RNF157: variants seen among roughly 807,000 people sequenced by gnomAD.
RNF157 encodes the protein E3 ubiquitin ligase RNF157.
RNF157 carries 55 observed loss-of-function variants against 88.3 expected under a neutral mutation model. The observed-to-expected ratio is 0.62, with a 90% CI of 0.50 to 0.78. The LOEUF is 0.78. Among genes scored for constraint, RNF157 ranks in the 30% least tolerant of loss-of-function variants. RNF157 has a pLI of 0.00. For missense variants in RNF157, 788 were observed against 860.8 expected (o/e 0.92, Z 1.06); for synonymous variants, 334 against 341.2 (o/e 0.98, Z 0.23).
In RNF157 at chr17:76,157,127, T is replaced by C. The variant is rs1460957843; in HGVS notation, c.1414-806A>G. ...GACTACAGGTGCATGCCACCACACC[T>C]GGCTAATTTTTTGTATTTTTAGTAG... On this transcript the variant is annotated intron_variant, in intron 13 of 18. Coordinates refer to ENST00000269391, the MANE Select transcript of RNF157 (RefSeq NM_052916.3). This position sits in a 1 kb window ranked among gnomAD's most constrained non-coding sequence, Gnocchi z 5.6. 6.6e-6 allele frequency among the ~76,000 whole-genome samples: 1 copy of C among 152,042 alleles called. No homozygotes were observed. Among genetic ancestry groups the C allele is most frequent in the Non-Finnish European group, 1.5e-5 (1 of 67,994 alleles).
intron 18 of RNF157, among the ~76,000 whole-genome samples, chr17:76,150,877 T>C (rs1006810174): frequency 3.9e-5 from 6 of 152,210 alleles, no homozygotes; most frequent in African/African-American, 1.4e-4. Context: ...GGGTGAAGCA[T>C]TGGCAGGGAG....
At chr17:76,226,548 C>A (rs1401948683) in intron 1 of RNF157, 2 of 1,613,734 alleles carry the variant, frequency 1.2e-6, no homozygotes, top group East Asian at 4.5e-5. Flanking sequence ...TCCATTTTCT[C>A]CAACATCCAA....
rs1159205330 is a variant in RNF157, at chr17:76,210,568, C to T, written c.207+1796G>A. 2.0e-4 allele frequency among the ~76,000 whole-genome samples: 23 copies of T among 115,872 alleles called. No individual in the cohort carries two copies. The South Asian group carries it at 3.1e-3, about 15-fold the overall frequency. 76.0% of individuals were successfully genotyped at this position (115,872 alleles called of 152,430 possible). ...TCGTGCCACTGTACTCCAGCCTGGG[C>T]GACAGAGCCAGACTCCGTCCAAAAA... On this transcript the variant is annotated intron_variant, in intron 2 of 18. Transcript: ENST00000269391.
chr17:76,161,652 G>A lies in RNF157; in HGVS notation c.953-5C>T. The A allele has an allele frequency of 6.2e-7, 1 of 1,612,182 alleles. No homozygotes were observed. The highest frequency in any genetic ancestry group is 8.5e-7 in the Non-Finnish European group (1 of 1,178,724). ...TCTGAAGCAGTGCCCGGAAGGCTGT[G>A]AAGGAGAAAACAGGCAATCAGGACA... On this transcript the variant is annotated splice_region_variant and splice_polypyrimidine_tract_variant and intron_variant, in intron 10 of 18. Transcript: ENST00000269391. This position sits in a 1 kb window ranked among gnomAD's most constrained non-coding sequence, Gnocchi z 4.6.
intron 8 of RNF157, chr17:76,164,021 T>C (rs935404203): frequency 4.6e-5 from 7 of 152,266 alleles, no homozygotes; most frequent in Non-Finnish European, 5.9e-5. Flanking sequence ...CTATCACCCA[T>C]CTACAGGAAG....
chr17:76,165,480 G>A (rs954437492), intron 7 of RNF157, 22 bp downstream of exon 7: 83 of 1,612,982 alleles, frequency 5.1e-5, no homozygotes, highest in Non-Finnish European at 6.4e-5. Flanking sequence ...GCAATAAAGC[G>A]AGGCCCTCTA....
intron 2 of RNF157, among the ~76,000 whole-genome samples, chr17:76,196,558 T>G (rs1193077631): frequency 3.3e-5 from 5 of 152,212 alleles, no homozygotes; most frequent in African/African-American, 1.2e-4. Flanking sequence ...TAAATGGATC[T>G]AGAATGATCT....
chr17:76,182,928 T>C (rs897874985), intron 2 of RNF157, among the ~76,000 whole-genome samples: 2 of 150,674 alleles, frequency 1.3e-5, no homozygotes, highest in African/African-American at 2.4e-5. Flanking sequence ...AAAGAAAGTA[T>C]TGATATTGTA....
chr17:76,167,768 T>C lies in RNF157; in HGVS notation c.326A>G (p.Glu109Gly). The part of the protein sequence containing the change: ...KCAEEVKSPG[E>G]EASKAKVHYN... The stretch of plus-strand genomic sequence containing the variant: ...GTGGACTTTAGCTTTACTGGCCTCT[T>C]CTCCAGGGCTCTTCACTTCCTCAGC... Residue 109 changes from glutamate (E) to glycine (G), a missense_variant, in exon 4 of 19, where the codon GAA becomes GGA. Physicochemically the swap from Glu to Gly is moderately conservative, Grantham distance 98. Transcript: ENST00000269391. The C allele has an allele frequency of 6.2e-7, 1 of 1,614,158 alleles. No individual in the cohort carries two copies. Among genetic ancestry groups the C allele is most frequent in the African/African-American group, 1.3e-5 (1 of 75,052 alleles).
intron 1 of RNF157, among the ~76,000 whole-genome samples, chr17:76,216,881 A>G (rs2069897928): frequency 6.6e-6 from 1 of 151,732 alleles, no homozygotes; most frequent in Non-Finnish European, 1.5e-5. Context: ...AAAGAGCAAG[A>G]CCCTGTGTCA....
At chr17:76,166,909 T>A in intron 5 of RNF157, 100 bp downstream of exon 5, 1 of 750,128 alleles carries the variant, frequency 1.3e-6, no homozygotes, top group East Asian at 2.5e-5. Flanking sequence ...AAGCATGGCC[T>A]TCAAGCATCC....
At position 76,167,648 on chromosome 17, in the gene RNF157, T is replaced by C. The variant is rs1274558749; in HGVS notation, c.443+3A>G. 1 of 1,613,964 alleles carries C rather than the reference T, an allele frequency of 6.2e-7. No homozygotes were observed. Among genetic ancestry groups the C allele is most frequent in the Non-Finnish European group, 8.5e-7 (1 of 1,179,984 alleles). On this transcript the variant is annotated splice_donor_region_variant and intron_variant, in intron 4 of 18. Transcript: ENST00000269391. ...AGTGGCTCTCCTGGTCTCCTGATCT[T>C]ACCTGGCAATACCATTCTGGAACTC...
chr17:76,208,809 T>TA lies in RNF157; in HGVS notation c.207+3554dup, dbSNP rs538119332. ...CAACATGGTGAAACCCCATCTCTAC[T>TA]AAAAAAACACAAAAATTAGCCAGGT... On this transcript the variant is annotated intron_variant, in intron 2 of 18. Coordinates refer to ENST00000269391, the MANE Select transcript of RNF157 (RefSeq NM_052916.3). Among the ~76,000 whole-genome samples the TA allele has an allele frequency of 6.3e-4, 95 of 151,994 alleles. 1 individual carries two copies. Among genetic ancestry groups the TA allele is most frequent in the African/African-American group, 2.0e-3 (83 of 41,468 alleles).
chr17:76,189,344 T>A (rs1328386430), intron 2 of RNF157, among the ~76,000 whole-genome samples: 7 of 152,208 alleles, frequency 4.6e-5, no homozygotes, highest in Admixed American at 4.6e-4. Flanking sequence ...AAAAATTAAT[T>A]CAGCAAGAGA....
chr17:76,158,353 G>A (rs2068796693), intron 13 of RNF157, 40 bp downstream of exon 13: 1 of 1,381,942 alleles, frequency 7.2e-7, no homozygotes, highest in Non-Finnish European at 1.0e-6. Context: ...GGAAGTCCCT[G>A]GAGTACAACA....
intron 2 of RNF157, among the ~76,000 whole-genome samples, chr17:76,182,683 T>C (rs1036687118): frequency 4.7e-5 from 7 of 149,416 alleles, no homozygotes; most frequent in African/African-American, 1.7e-4. Context: ...TCCATAAAAA[T>C]AAAGTTAACT....
At position 76,154,500 on chromosome 17, in the gene RNF157, C is replaced by G; in HGVS notation, c.1765-172G>C. 3 of 619,796 alleles carry G rather than the reference C, an allele frequency of 4.8e-6. No individual in the cohort carries two copies. The South Asian group carries it at 5.7e-5, about 12-fold the overall frequency. The allele number at this position is 619,796 out of a possible 1,614,324, so 38.4% of individuals were successfully genotyped here. A position where few individuals can be genotyped will look rare whatever the true frequency, so the allele number is the denominator to read the frequency against. On this transcript the variant is annotated intron_variant, in intron 16 of 18. Coordinates refer to ENST00000269391, the MANE Select transcript of RNF157 (RefSeq NM_052916.3). ...AGAGGCTGAGTAGAGGCAGATCTTG[C>G]TTGGAGAGGCACCATCTGCCTACAG...
intron 2 of RNF157, among the ~76,000 whole-genome samples, chr17:76,191,652 T>C (rs2069388829): frequency 6.7e-6 from 1 of 150,122 alleles, no homozygotes; most frequent in Non-Finnish European, 1.5e-5. Flanking sequence ...TATGTGCCTG[T>C]AGTCCCAGCT....
At chr17:76,173,499 T>C (rs558240085) in intron 3 of RNF157, among the ~76,000 whole-genome samples, 59 of 152,216 alleles carry the variant, frequency 3.9e-4, no homozygotes, top group African/African-American at 1.4e-3. Flanking sequence ...ACACAGACGA[T>C]TGCATCCAGT....
Sources: allele counts gnomAD v4.1 joint callset (sites outside exome capture counted in the v4.1 genomes callset), GRCh38; gene constraint gnomAD v4.1.1; non-coding constraint Gnocchi (gnomAD v3.1); transcripts MANE v1.5; gene names NCBI Gene and HGNC (gene_info 2026-07-23, HGNC 2026-07-21).